RELN: variants seen among roughly 807,000 people sequenced by gnomAD.
RELN encodes the protein reelin.
A neutral mutation model predicts 427.6 loss-of-function variants in RELN; 108 were observed. The observed-to-expected ratio is 0.25, with a 90% CI of 0.22 to 0.30. RELN has a LOEUF of 0.30. Among genes scored for constraint, RELN ranks in the 10% least tolerant of loss-of-function variants. RELN has a pLI of 1.00. For missense variants in RELN, 3,715 were observed against 4,302.8 expected (o/e 0.86, Z 3.82); for synonymous variants, 1,524 against 1,513.4 (o/e 1.01, Z -0.16).
intron 11 of RELN, among the ~76,000 whole-genome samples, chr7:103,669,982 G>A (rs1833355179): frequency 1.3e-5 from 2 of 152,020 alleles, no homozygotes; most frequent in Admixed American, 1.3e-4. Flanking sequence ...AGGCAACTCT[G>A]TTCCTTAGAG....
intron 36 of RELN, among the ~76,000 whole-genome samples, chr7:103,560,653 C>T (rs1332813433): frequency 6.6e-6 from 1 of 152,138 alleles, no homozygotes; most frequent in African/African-American, 2.4e-5. Flanking sequence ...CCGCTGCCCC[C>T]AAAACCAGGA....
At chr7:103,488,418 A>G (rs1828522419) in intron 60 of RELN, among the ~76,000 whole-genome samples, 1 of 152,208 alleles carries the variant, frequency 6.6e-6, no homozygotes, top group Non-Finnish European at 1.5e-5. Context: ...ATTTGACTAG[A>G]GTTAAAATTC....
chr7:103,525,765 G>A (rs1043104010), intron 46 of RELN, among the ~76,000 whole-genome samples: 1 of 151,302 alleles, frequency 6.6e-6, no homozygotes, highest in African/African-American at 2.4e-5. Context: ...GGGAATATTG[G>A]TTTGTATCCT....
intron 10 of RELN, among the ~76,000 whole-genome samples, chr7:103,685,111 A>G (rs1489365492): frequency 6.6e-6 from 1 of 152,184 alleles, no homozygotes; most frequent in Non-Finnish European, 1.5e-5. Flanking sequence ...GGAAAACTTA[A>G]TGCAAGATGT....
chr7:103,789,391 G>T (rs1040164676), intron 3 of RELN, among the ~76,000 whole-genome samples: 1 of 152,186 alleles, frequency 6.6e-6, no homozygotes, highest in Non-Finnish European at 1.5e-5. Flanking sequence ...ACTATCATTA[G>T]AGTGAACAGG....
intron 8 of RELN, among the ~76,000 whole-genome samples, chr7:103,703,271 T>C (rs1834131076): frequency 6.6e-6 from 1 of 152,198 alleles, no homozygotes; most frequent in Non-Finnish European, 1.5e-5. Flanking sequence ...AATGATTCCC[T>C]ACTCCCGCCC....
intron 51 of RELN, among the ~76,000 whole-genome samples, chr7:103,506,649 T>C (rs1429628059): frequency 6.6e-6 from 1 of 151,812 alleles, no homozygotes; most frequent in Non-Finnish European, 1.5e-5. Context: ...ATAAACTGCA[T>C]AACTAATGGG....
At chr7:103,900,022 T>C (rs10458286) in intron 2 of RELN, among the ~76,000 whole-genome samples, 1 of 152,066 alleles carries the variant, frequency 6.6e-6, no homozygotes, top group Middle Eastern at 3.4e-3. Context: ...CTGTTTGCAG[T>C]TGACATGATT....
At chr7:103,881,601 C>A (rs529289975) in intron 2 of RELN, among the ~76,000 whole-genome samples, 61 of 152,070 alleles carry the variant, frequency 4.0e-4, no homozygotes, top group Non-Finnish European at 6.5e-4. Context: ...TTGTTATGTT[C>A]TTTTTCCTCC....
chr7:103,926,449 A>C (rs1409768749), intron 1 of RELN, among the ~76,000 whole-genome samples: 1 of 152,032 alleles, frequency 6.6e-6, no homozygotes, highest in Non-Finnish European at 1.5e-5. Flanking sequence ...ATTCTTAAAT[A>C]TGTTCATATT....
chr7:103,551,636 C>T (rs1367647573), intron 40 of RELN, among the ~76,000 whole-genome samples: 1 of 152,036 alleles, frequency 6.6e-6, no homozygotes, highest in Non-Finnish European at 1.5e-5. Context: ...AGACTGTTTC[C>T]CTAATCCTAA....
Position 103,909,664 on chromosome 7 carries a change from A to T in RELN, c.337+7411T>A, listed in dbSNP as rs574955082. Reference sequence around the variant, plus strand: ...TAAATATATATATTTAATATATATAAATATATATTAAATATATTTAATAAA... The same window carrying T: ...TAAATATATATATTTAATATATATATATATATATTAAATATATTTAATAAA... On this transcript the variant is annotated intron_variant, in intron 2 of 64. Transcript: ENST00000428762. 2.8e-3 allele frequency among the ~76,000 whole-genome samples: 214 copies of T among 77,102 alleles called. 9 individuals carry two copies. Among genetic ancestry groups the T allele is most frequent in the African/African-American group, 0.015 (199 of 13,706 alleles). 50.6% of individuals were successfully genotyped at this position (77,102 alleles called of 152,430 possible).
intron 3 of RELN, among the ~76,000 whole-genome samples, chr7:103,788,077 A>G (rs1792064982): frequency 6.6e-6 from 1 of 152,190 alleles, no homozygotes; most frequent in African/African-American, 2.4e-5. Flanking sequence ...GAACGAACCA[A>G]TGACAAAAAC....
chr7:103,506,440 A>G (rs559357611), intron 51 of RELN, among the ~76,000 whole-genome samples: 7 of 152,320 alleles, frequency 4.6e-5, no homozygotes, highest in African/African-American at 1.7e-4. Context: ...TCAATCCAGA[A>G]TTTCATATCC....
chr7:103,530,218 T>G (rs185450931), intron 46 of RELN, among the ~76,000 whole-genome samples: 197 of 152,334 alleles, frequency 1.3e-3, no homozygotes, highest in African/African-American at 4.5e-3. Flanking sequence ...TTTGACTAAA[T>G]TTGCCATATT....
intron 1 of RELN, among the ~76,000 whole-genome samples, chr7:103,982,069 G>A (rs1332128913): frequency 1.3e-5 from 2 of 152,022 alleles, no homozygotes; most frequent in East Asian, 1.9e-4. Context: ...AGAAGGCTGC[G>A]GCACGAGAAT....
At chr7:103,944,845 C>T (rs1796187442) in intron 1 of RELN, among the ~76,000 whole-genome samples, 1 of 152,094 alleles carries the variant, frequency 6.6e-6, no homozygotes, top group African/African-American at 2.4e-5. Flanking sequence ...TTTGATATGG[C>T]CCCAGGCTGT....
chr7:103,560,905 T>C (rs147993316), intron 36 of RELN, among the ~76,000 whole-genome samples: 356 of 152,314 alleles, frequency 2.3e-3, no homozygotes, highest in African/African-American at 8.2e-3. Context: ...ATGCAGGTTT[T>C]TGTCAAAGAT....
At chr7:103,513,894 C>T (rs530579689) in intron 50 of RELN, 1 of 149,262 alleles carries the variant, frequency 6.7e-6, no homozygotes, top group African/African-American at 2.5e-5. Flanking sequence ...AATGGTTATC[C>T]CCTGAGTGAT....
Sources: gnomAD v4.1 joint callset for allele counts (sites outside exome capture counted in the v4.1 genomes callset) on GRCh38, gnomAD v4.1.1 for gene constraint, MANE v1.5 for transcripts, NCBI Gene and HGNC (gene_info 2026-07-23, HGNC 2026-07-21) for gene names.